Variants in DLG2 observed in about 807,000 individuals in gnomAD.
DLG2 encodes disks large homolog 2.
In DLG2, 45 loss-of-function variants were observed where a neutral mutation model predicts 132.5. The ratio of observed to expected loss-of-function variants is 0.34; its 90% CI spans 0.27 to 0.44. The LOEUF (loss-of-function observed/expected upper bound fraction) is 0.44. Ranked by LOEUF, DLG2 falls within the 20% of genes least tolerant of loss-of-function variation. The probability of loss-of-function intolerance (pLI) is 1.00; values close to 1 mark genes in which losing one functional copy is unlikely to be tolerated. For synonymous variants in DLG2, 424 were observed against 419.6 expected, an observed-to-expected ratio of 1.01 and a Z score of -0.13; for missense variants, 1,045 against 1,196.9, an observed-to-expected ratio of 0.87 and a Z score of 1.87.
chr11:84,204,767 G>T (rs1227045544), intron 8 of DLG2, among the ~76,000 whole-genome samples: 1 of 151,834 alleles, frequency 6.6e-6, no homozygotes, highest in African/African-American at 2.4e-5. Context: ...TCCAGGACTG[G>T]AGTGGTTCAC....
At chr11:83,500,643 T>C (rs2009715) in intron 21 of DLG2, among the ~76,000 whole-genome samples, 94,045 of 151,862 alleles carry the variant, frequency 0.62, 29,614 homozygotes, top group African/African-American at 0.71. Context: ...GGGGGTTATT[T>C]GTTCATTTAT....
intron 6 of DLG2, among the ~76,000 whole-genome samples, chr11:84,844,312 TTACATGTG>T (rs2081199292): frequency 6.6e-6 from 1 of 151,434 alleles, no homozygotes. Flanking sequence ...TACATAAAGA[TTACATGTG>T]TAAAGTGGCT....
At chr11:84,027,822 A>G (rs903859899) in intron 11 of DLG2, among the ~76,000 whole-genome samples, 2 of 152,094 alleles carry the variant, frequency 1.3e-5, no homozygotes, top group Non-Finnish European at 2.9e-5. Context: ...TATTCCTTCC[A>G]TAACACAAAG....
chr11:84,201,197 G>A (rs2096587755), intron 8 of DLG2, among the ~76,000 whole-genome samples: 1 of 152,148 alleles, frequency 6.6e-6, no homozygotes, highest in Non-Finnish European at 1.5e-5. Flanking sequence ...CCTCTATTGA[G>A]ATAATCATGT....
At chr11:85,020,478 G>A (rs1188726430) in intron 6 of DLG2, among the ~76,000 whole-genome samples, 3 of 152,100 alleles carry the variant, frequency 2.0e-5, no homozygotes, top group Non-Finnish European at 4.4e-5. Context: ...GATCCCATTT[G>A]TCTATTTTGG....
At chr11:85,553,530 T>A (rs1230724810) in intron 3 of DLG2, among the ~76,000 whole-genome samples, 1 of 151,554 alleles carries the variant, frequency 6.6e-6, no homozygotes, top group Non-Finnish European at 1.5e-5. Context: ...TAAACTACAT[T>A]GAAGAATAAA....
At chr11:85,549,211 A>C (rs1466366045) in intron 3 of DLG2, among the ~76,000 whole-genome samples, 4 of 152,072 alleles carry the variant, frequency 2.6e-5, no homozygotes, top group African/African-American at 9.7e-5. Context: ...ACAGTCCCTA[A>C]TGGCTTCCCT....
intron 3 of DLG2, among the ~76,000 whole-genome samples, chr11:85,315,347 A>C (rs1456248726): frequency 2.0e-5 from 3 of 151,948 alleles, no homozygotes; most frequent in Non-Finnish European, 4.4e-5. Flanking sequence ...TTCCTAGCAG[A>C]ATCTTCAATA....
intron 15 of DLG2, among the ~76,000 whole-genome samples, chr11:83,886,610 T>C (rs1268848037): frequency 6.6e-6 from 1 of 151,910 alleles, no homozygotes; most frequent in African/African-American, 2.4e-5. Flanking sequence ...AATAGACATC[T>C]ACAGAACTCT....
In DLG2 at chr11:83,962,635, T is replaced by C. The variant is rs79560168; in HGVS notation, c.1340+250A>G. 2.5e-3 allele frequency among the ~76,000 whole-genome samples: 377 copies of C among 152,168 alleles called. 2 individuals are homozygous for C. Among genetic ancestry groups the C allele is most frequent in the African/African-American group, 8.8e-3 (366 of 41,542 alleles). ...TGTAAAGCTTAAATGTGATCAGATA[T>C]AGAAAGTCTTAATAAATGGCAAAGT... is the stretch of plus-strand genomic sequence containing the variant. On this transcript the variant is annotated intron_variant, in intron 14 of 27. Transcript: ENST00000376104.
At chr11:84,159,182 G>A (rs1265150698) in intron 9 of DLG2, among the ~76,000 whole-genome samples, 1 of 152,092 alleles carries the variant, frequency 6.6e-6, no homozygotes, top group African/African-American at 2.4e-5. Flanking sequence ...AATTTCAGAT[G>A]TTGTTCTAGA....
chr11:83,460,356 G>A (rs1018538604), intron 27 of DLG2, among the ~76,000 whole-genome samples: 1 of 152,134 alleles, frequency 6.6e-6, no homozygotes, highest in Non-Finnish European at 1.5e-5. Context: ...CAGAAATTCA[G>A]ATATTGTAGA....
At chr11:84,316,494 A>G (rs1444062311) in intron 7 of DLG2, among the ~76,000 whole-genome samples, 1 of 152,202 alleles carries the variant, frequency 6.6e-6, no homozygotes, top group African/African-American at 2.4e-5. Context: ...AAAAAATAAT[A>G]ATAAACAGGC....
At chr11:85,265,149 T>C (rs555821863) in intron 4 of DLG2, among the ~76,000 whole-genome samples, 5 of 152,326 alleles carry the variant, frequency 3.3e-5, no homozygotes, top group African/African-American at 1.2e-4. Context: ...AGCCCTTTCT[T>C]TCCTATCATA....
intron 6 of DLG2, among the ~76,000 whole-genome samples, chr11:84,844,133 GTGTATATATATATATA>G (rs1353988776): frequency 7.7e-5 from 2 of 25,992 alleles, no homozygotes; most frequent in African/African-American, 2.4e-4. Flanking sequence ...GTGTGTGTGT[GTGTATATATATATATA>G]TATATATATA....
At chr11:84,862,134 C>T (rs1287221478) in intron 6 of DLG2, among the ~76,000 whole-genome samples, 1 of 151,944 alleles carries the variant, frequency 6.6e-6, no homozygotes, top group South Asian at 2.1e-4. Context: ...CATGTATACA[C>T]ATGTAACTAA....
chr11:84,107,955 A>AT (rs2093082528), intron 9 of DLG2, among the ~76,000 whole-genome samples: 1 of 152,078 alleles, frequency 6.6e-6, no homozygotes, highest in African/African-American at 2.4e-5. Flanking sequence ...GTGTTATGGG[A>AT]TTTTCTCCCA....
rs140990546 is a variant in DLG2 at position 83,794,477 on chromosome 11, C to A, written c.1723-7685G>T. ...TTTTTTTTTTTTGCTTCAGTTTGAA[C>A]TTTTTCACCTGGATGCATGGATTCT... On this transcript the variant is annotated intron_variant, in intron 17 of 27. Coordinates refer to ENST00000376104, the MANE Select transcript of DLG2 (RefSeq NM_001142699.3). 8.4e-3 allele frequency among the ~76,000 whole-genome samples: 936 copies of A among 111,316 alleles called. 9 individuals are homozygous for A. The highest frequency in any genetic ancestry group is 0.036 in the East Asian group (125 of 3,512). 73.0% of individuals were successfully genotyped at this position (111,316 alleles called of 152,430 possible).
intron 19 of DLG2, among the ~76,000 whole-genome samples, chr11:83,595,198 T>G (rs2057363374): frequency 6.6e-6 from 1 of 152,214 alleles, no homozygotes; most frequent in Non-Finnish European, 1.5e-5. Flanking sequence ...GTGAGTTTTC[T>G]CCCAGCTCTT....
Sources: allele counts gnomAD v4.1 joint callset (sites outside exome capture counted in the v4.1 genomes callset), GRCh38; gene constraint gnomAD v4.1.1; transcripts MANE v1.5; gene names NCBI Gene and HGNC (gene_info 2026-07-23, HGNC 2026-07-21).